Variants in USP45 observed in about 807,000 individuals in gnomAD.
USP45 encodes the protein ubiquitin specific peptidase 45, also known as ubiquitin carboxyl-terminal hydrolase 45.
USP45 carries 89 observed loss-of-function variants against 95.8 expected under a neutral mutation model. That is an observed-to-expected ratio of 0.93 (90% CI 0.78 to 1.11). USP45 has a LOEUF of 1.11. USP45 is among the 50% of genes least tolerant of loss of function. The probability of loss-of-function intolerance (pLI) is 0.00; values close to 1 mark genes in which losing one functional copy is unlikely to be tolerated. For missense variants in USP45, 898 were observed against 942.5 expected (o/e 0.95, Z 0.62); for synonymous variants, 281 against 316.2 (o/e 0.89, Z 1.18).
intron 13 of USP45, among the ~76,000 whole-genome samples, chr6:99,453,068 C>T (rs1025383082): frequency 5.9e-5 from 9 of 151,678 alleles, no homozygotes; most frequent in Non-Finnish European, 1.0e-4. Context: ...AGGAGATATA[C>T]CTAATGTAAA....
Position 99,464,693 on chromosome 6 carries a change from T to C in USP45, c.1219A>G (p.Thr407Ala). ...RMNKYRSLRETDHDRYSGNVT... is the reference protein window; with the variant it reads ...RMNKYRSLREADHDRYSGNVT... Reference sequence around the variant, plus strand: ...TTGCCACTGTATCGATCATGATCTGTCTCCCGTAAACTTCTATATTTATTC... The same window carrying C: ...TTGCCACTGTATCGATCATGATCTGCCTCCCGTAAACTTCTATATTTATTC... Residue 407 changes from threonine to alanine, a missense_variant, in exon 13 of 18, where the codon ACA becomes GCA. Transcript: ENST00000500704. 1 of 1,612,710 alleles carries C rather than the reference T, an allele frequency of 6.2e-7. No individual in the cohort carries two copies. The highest frequency in any genetic ancestry group is 8.5e-7 in the Non-Finnish European group (1 of 1,179,750).
intron 7 of USP45, among the ~76,000 whole-genome samples, chr6:99,486,940 T>C (rs1352387463): frequency 2.0e-5 from 3 of 152,092 alleles, no homozygotes; most frequent in Non-Finnish European, 2.9e-5. Context: ...ACACCTATCG[T>C]TGAACTAGGT....
chr6:99,471,920 A>T (rs534034662), intron 9 of USP45, among the ~76,000 whole-genome samples: 125 of 152,342 alleles, frequency 8.2e-4, no homozygotes, highest in Non-Finnish European at 1.7e-3. Context: ...TATGAAATTG[A>T]ATAGATCCAC....
intron 2 of USP45, 96 bp from the exon 3 acceptor site, chr6:99,508,878 A>G: frequency 9.4e-7 from 1 of 1,062,048 alleles, no homozygotes; most frequent in South Asian, 1.8e-5. Context: ...GCTGTTAACT[A>G]AAAAGCACAG....
At position 99,435,601 on chromosome 6, in the gene USP45, T is replaced by C. The variant is rs1409016052; in HGVS notation, c.*115A>G. The C allele has an allele frequency of 6.9e-6, 6 of 868,034 alleles. No homozygotes were observed. The highest frequency in any genetic ancestry group is 9.8e-6 in the Non-Finnish European group (6 of 610,808). The allele number at this position is 868,034 out of a possible 1,614,324, so 53.8% of individuals were successfully genotyped here. ...AAATGGTGAAAAAGTTCAGGACCAT[T>C]TGAGGAACATGCTATTCCTACAGAA... On this transcript the variant is annotated 3_prime_UTR_variant, in exon 18 of 18. Coordinates refer to ENST00000500704, the MANE Select transcript of USP45 (RefSeq NM_001346022.3).
In USP45 at chr6:99,453,082, C is replaced by T. The variant is rs181708484; in HGVS notation, c.1309-6619G>A. On this transcript the variant is annotated intron_variant, in intron 13 of 17. Transcript: ENST00000500704. ...TAGGAGATATACCTAATGTAAATGG[C>T]GAGTCAATGGGTGCAGCACACCAAC... 1.5e-4 allele frequency among the ~76,000 whole-genome samples: 23 copies of T among 150,306 alleles called. No individual in the cohort carries two copies. In the East Asian group the frequency reaches 3.1e-3, roughly 21 times the overall value.
chr6:99,468,013 AT>A (rs1184721963), intron 10 of USP45: 1 of 380,360 alleles, frequency 2.6e-6, no homozygotes, highest in Non-Finnish European at 5.2e-6. Context: ...ACCAACTTTG[AT>A]TAGGTAATCA....
intron 5 of USP45, among the ~76,000 whole-genome samples, chr6:99,492,326 GA>G (rs1193816976): frequency 6.6e-6 from 1 of 152,186 alleles, no homozygotes; most frequent in Non-Finnish European, 1.5e-5. Flanking sequence ...AGCACTGCCA[GA>G]AAGAACATAC....
At chr6:99,464,772 C>G (rs1196031123) in intron 12 of USP45, 25 bp from the exon 13 acceptor site, 1 of 1,561,292 alleles carries the variant, frequency 6.4e-7, no homozygotes, top group South Asian at 1.2e-5. Flanking sequence ...CATACAGAAA[C>G]CAAAACCTCT....
intron 8 of USP45, among the ~76,000 whole-genome samples, chr6:99,481,387 A>C (rs12211598): frequency 6.6e-6 from 1 of 152,112 alleles, no homozygotes; most frequent in Non-Finnish European, 1.5e-5. Flanking sequence ...CCATTATTTT[A>C]ATAGTAATTT....
intron 9 of USP45, among the ~76,000 whole-genome samples, 160 bp from the exon 10 acceptor site, chr6:99,468,778 G>A (rs1221091158): frequency 6.6e-6 from 1 of 152,040 alleles, no homozygotes; most frequent in African/African-American, 2.4e-5. Flanking sequence ...TTTCTTCCAG[G>A]TCTCAAATTC....
chr6:99,462,834 A>C, intron 13 of USP45: 1 of 291,888 alleles, frequency 3.4e-6, no homozygotes, highest in Non-Finnish European at 5.3e-6. Context: ...AATAACAAAA[A>C]TTAGCCGGGC....
At chr6:99,467,827 G>A (rs553277791) in intron 10 of USP45, among the ~76,000 whole-genome samples, 137 of 152,046 alleles carry the variant, frequency 9.0e-4, no homozygotes, top group African/African-American at 3.2e-3. Flanking sequence ...GCAAATTATA[G>A]ACCTGTAGTA....
intron 14 of USP45, 128 bp downstream of exon 14, chr6:99,445,669 A>C: frequency 1.4e-6 from 1 of 717,178 alleles, no homozygotes; most frequent in Non-Finnish European, 2.2e-6. Context: ...TACAAATATG[A>C]ATGAAACAAT....
At chr6:99,437,432 A>G in intron 16 of USP45, 33 bp from the exon 17 acceptor site, 2 of 1,555,342 alleles carry the variant, frequency 1.3e-6, no homozygotes, top group Non-Finnish European at 1.7e-6. Flanking sequence ...CAAATTAGTA[A>G]TATTTGTTAA....
chr6:99,516,926 GTTCTT>G (rs945460265), upstream of USP45, among the ~76,000 whole-genome samples: 6 of 151,978 alleles, frequency 3.9e-5, no homozygotes, highest in South Asian at 2.1e-4. Flanking sequence ...GGAAATTTAG[GTTCTT>G]TTCTTCATAA....
chr6:99,439,745 A>G, intron 16 of USP45, 24 bp downstream of exon 16: 1 of 1,460,250 alleles, frequency 6.8e-7, no homozygotes, highest in Non-Finnish European at 9.2e-7. Flanking sequence ...TTATAAATCA[A>G]TTAAATATCT....
intron 13 of USP45, among the ~76,000 whole-genome samples, chr6:99,447,821 C>T (rs539186204): frequency 9.1e-4 from 139 of 152,340 alleles, no homozygotes; most frequent in African/African-American, 3.2e-3. Flanking sequence ...ACACCTCACA[C>T]GGCCGGGTAC....
Position 99,484,005 on chromosome 6 carries a change from T to TTTTTTTTG in USP45, c.715-1123_715-1122insCAAAAAAA, listed in dbSNP as rs1491165624. ...AAGGACAGGCTATAATTTTCCATAG[T>TTTTTTTTG]TTTTTTTTTTTTTTTTTTTTAAAGA... On this transcript the variant is annotated intron_variant, in intron 7 of 17. Transcript: ENST00000500704. 4.6e-4 allele frequency among the ~76,000 whole-genome samples: 5 copies of TTTTTTTTG among 10,812 alleles called. No individual in the cohort carries two copies. The East Asian group carries it at 0.036, about 79-fold the overall frequency. The allele number at this position is 10,812 out of a possible 152,430, so 7.1% of individuals were successfully genotyped here.
Sources: gnomAD v4.1 joint callset for allele counts (sites outside exome capture counted in the v4.1 genomes callset) on GRCh38, gnomAD v4.1.1 for gene constraint, MANE v1.5 for transcripts, NCBI Gene and HGNC (gene_info 2026-07-23, HGNC 2026-07-21) for gene names.